Variants in MCPH1 observed in about 807,000 individuals in gnomAD.
MCPH1 encodes microcephalin 1.
In MCPH1, 104 loss-of-function variants were observed where a neutral mutation model predicts 84.5. That is an observed-to-expected ratio of 1.23 (90% confidence interval 1.05 to 1.45). The LOEUF (loss-of-function observed/expected upper bound fraction) is 1.45, where lower values mean the gene tolerates loss of function less well. Ranked by LOEUF, MCPH1 falls within the 40% of genes most tolerant of loss-of-function variation. The pLI, the probability that MCPH1 is intolerant of heterozygous loss-of-function variation, is 0.00. For missense variants in MCPH1, 1,498 were observed against 1,005.7 expected (o/e 1.49, Z -6.62); for synonymous variants, 514 against 366.8 (o/e 1.40, Z -4.58).
intron 5 of MCPH1, among the ~76,000 whole-genome samples, chr8:6,436,479 C>G (rs1802654242): frequency 6.6e-6 from 1 of 152,018 alleles, no homozygotes; most frequent in Non-Finnish European, 1.5e-5. Flanking sequence ...CTATTTATTT[C>G]TTCTTTATAT....
intron 9 of MCPH1, among the ~76,000 whole-genome samples, chr8:6,466,580 T>G (rs1806977322): frequency 6.6e-6 from 1 of 152,182 alleles, no homozygotes; most frequent in Admixed American, 6.5e-5. Flanking sequence ...GTGCTGGGAT[T>G]ACAGGCATGA....
At chr8:6,602,391 C>T (rs568443151) in intron 12 of MCPH1, among the ~76,000 whole-genome samples, 78 of 152,232 alleles carry the variant, frequency 5.1e-4, no homozygotes, top group South Asian at 1.0e-3. Flanking sequence ...AGTGGCCTGG[C>T]AACCAGAGGT....
At chr8:6,525,659 G>A (rs571819500) in intron 12 of MCPH1, among the ~76,000 whole-genome samples, 292 of 150,892 alleles carry the variant, frequency 1.9e-3, no homozygotes, top group African/African-American at 7.0e-3. Context: ...TAAAATCATA[G>A]GCCAGTCAGA....
At chr8:6,621,863 G>T (rs763587401) in intron 13 of MCPH1, among the ~76,000 whole-genome samples, 172 bp downstream of exon 13, 1 of 151,850 alleles carries the variant, frequency 6.6e-6, no homozygotes, top group East Asian at 1.9e-4. Context: ...CGGCATTCCC[G>T]CTCCTTGCTG....
chr8:6,617,894 C>G (rs1448065559), intron 12 of MCPH1, among the ~76,000 whole-genome samples: 1 of 146,402 alleles, frequency 6.8e-6, no homozygotes, highest in Non-Finnish European at 1.5e-5. Context: ...ATCTATCTAT[C>G]TATCTAATCT....
chr8:6,503,156 C>T, intron 12 of MCPH1: 2 of 1,614,150 alleles, frequency 1.2e-6, no homozygotes, highest in Non-Finnish European at 1.7e-6. Context: ...ATAGCCTGAG[C>T]CTTTCCAGTA....
intron 12 of MCPH1, among the ~76,000 whole-genome samples, chr8:6,612,098 G>A (rs1830333748): frequency 6.6e-6 from 1 of 152,166 alleles, no homozygotes; most frequent in South Asian, 2.1e-4. Flanking sequence ...CATACACGCA[G>A]GTAGGGTTGG....
chr8:6,504,215 G>C (rs1225094191), intron 12 of MCPH1, among the ~76,000 whole-genome samples: 3 of 151,310 alleles, frequency 2.0e-5, no homozygotes, highest in Non-Finnish European at 4.4e-5. Flanking sequence ...CTACTCGGGA[G>C]GCTGAGGCAG....
At chr8:6,483,069 C>G (rs139207481) in intron 11 of MCPH1, among the ~76,000 whole-genome samples, 119 of 152,312 alleles carry the variant, frequency 7.8e-4, no homozygotes, top group Non-Finnish European at 1.5e-3. Flanking sequence ...CTGAGTTGAG[C>G]AAGTCATCCA....
intron 12 of MCPH1, among the ~76,000 whole-genome samples, chr8:6,599,556 A>G (rs989527115): frequency 7.2e-5 from 11 of 152,372 alleles, no homozygotes; most frequent in Non-Finnish European, 1.5e-4. Context: ...GGCTTGATGT[A>G]ATAGCTTATT....
intron 12 of MCPH1, among the ~76,000 whole-genome samples, chr8:6,545,832 T>G (rs1056535834): frequency 6.6e-6 from 1 of 152,272 alleles, no homozygotes. Context: ...ACAAGATTAC[T>G]CTGAGAAAAG....
chr8:6,466,303 ATT>A (rs749976037), intron 9 of MCPH1, among the ~76,000 whole-genome samples: 4 of 138,462 alleles, frequency 2.9e-5, no homozygotes, highest in African/African-American at 5.3e-5. Flanking sequence ...CGCCTGGCTA[ATT>A]TTTTTTTTTT....
chr8:6,435,011 C>G (rs1003595876), intron 4 of MCPH1, among the ~76,000 whole-genome samples: 1 of 152,056 alleles, frequency 6.6e-6, no homozygotes, highest in Non-Finnish European at 1.5e-5. Context: ...AGGTGTGTTT[C>G]AAAGGAAACA....
chr8:6,527,928 C>T (rs909729130), intron 12 of MCPH1, among the ~76,000 whole-genome samples: 1 of 126,852 alleles, frequency 7.9e-6, no homozygotes. Context: ...TGGAATCTCG[C>T]TCCATTGCCC....
At chr8:6,449,142 G>C (rs1303691857) in intron 8 of MCPH1, among the ~76,000 whole-genome samples, 2 of 152,196 alleles carry the variant, frequency 1.3e-5, no homozygotes, top group East Asian at 3.8e-4. Flanking sequence ...CACACAGACA[G>C]ATACTGCTGA....
chr8:6,631,576 C>G (rs1479667015), intron 13 of MCPH1, among the ~76,000 whole-genome samples: 3 of 151,376 alleles, frequency 2.0e-5, no homozygotes, highest in African/African-American at 7.3e-5. Flanking sequence ...CTTAACATTA[C>G]TAATCATTAG....
At chr8:6,506,699 T>C (rs560127945) in intron 12 of MCPH1, among the ~76,000 whole-genome samples, 38 of 151,754 alleles carry the variant, frequency 2.5e-4, no homozygotes, top group African/African-American at 8.9e-4. Flanking sequence ...GCTTTGCTCA[T>C]TGGTGTAATA....
At chr8:6,582,433 T>C (rs1156989006) in intron 12 of MCPH1, among the ~76,000 whole-genome samples, 1 of 152,224 alleles carries the variant, frequency 6.6e-6, no homozygotes, top group East Asian at 1.9e-4. Flanking sequence ...GACTCCAAAG[T>C]GCATCTATCT....
chr8:6,622,925 C>G (rs954635417), intron 13 of MCPH1, among the ~76,000 whole-genome samples: 3 of 152,066 alleles, frequency 2.0e-5, no homozygotes, highest in Admixed American at 6.6e-5. Context: ...ACTGCAGCCT[C>G]AGCCTCTCTG....
Sources: allele counts gnomAD v4.1 joint callset (sites outside exome capture counted in the v4.1 genomes callset), GRCh38; gene constraint gnomAD v4.1.1; transcripts MANE v1.5; gene names NCBI Gene and HGNC (gene_info 2026-07-23, HGNC 2026-07-21).